The following ZNF385D variants were observed in gnomAD, a reference collection of about 807,000 sequenced individuals.
The protein encoded by ZNF385D is zinc finger protein 385D, also known as zinc finger protein 659.
ZNF385D carries 15 observed loss-of-function variants against 35.8 expected under a neutral mutation model. That is an observed-to-expected ratio of 0.42 (90% CI 0.28 to 0.64). The LOEUF is 0.64. Ranked by LOEUF, ZNF385D falls within the 30% of genes least tolerant of loss-of-function variation. ZNF385D has a pLI of 0.23. For missense variants in ZNF385D, 474 were observed against 494.6 expected, an observed-to-expected ratio of 0.96 and a Z score of 0.39; for synonymous variants, 212 against 186.8, an observed-to-expected ratio of 1.13 and a Z score of -1.10.
intron 3 of ZNF385D, among the ~76,000 whole-genome samples, chr3:21,756,623 G>C (rs1051651502): frequency 6.6e-6 from 1 of 152,046 alleles, no homozygotes; most frequent in African/African-American, 2.4e-5. Context: ...AAGGAGAAGA[G>C]GGTTAACACT....
At chr3:21,520,004 C>T (rs1299549721) in intron 3 of ZNF385D, among the ~76,000 whole-genome samples, 1 of 152,220 alleles carries the variant, frequency 6.6e-6, no homozygotes, top group African/African-American at 2.4e-5. Flanking sequence ...TAATTTCCTC[C>T]TCCAGCAAAT....
At position 22,302,409 on chromosome 3, in the gene ZNF385D, G is replaced by T. The variant is rs115521302; in HGVS notation, c.106+70041C>A. 8.9e-3 allele frequency among the ~76,000 whole-genome samples: 1,342 copies of T among 151,060 alleles called. 18 individuals are homozygous for T. The highest frequency in any genetic ancestry group is 0.051 in the South Asian group (242 of 4,790). On this transcript the variant is annotated intron_variant, in intron 2 of 5. Transcript: ENST00000494108. ...TATATATACATTATATAATTGTATTGGTATATGCAATTTATTTTCCTCTTC... is the reference window on the plus strand; with the variant it reads ...TATATATACATTATATAATTGTATTTGTATATGCAATTTATTTTCCTCTTC...
intron 1 of ZNF385D, among the ~76,000 whole-genome samples, chr3:21,744,202 T>C (rs2069654112): frequency 6.6e-6 from 1 of 152,188 alleles, no homozygotes; most frequent in African/African-American, 2.4e-5. Context: ...TTTTGTCTAC[T>C]TCCCACAATG....
At chr3:21,927,532 C>G (rs934062854) in intron 3 of ZNF385D, among the ~76,000 whole-genome samples, 1 of 152,014 alleles carries the variant, frequency 6.6e-6, no homozygotes, top group Non-Finnish European at 1.5e-5. Context: ...AGTATTAAAA[C>G]GAAACAAAAA....
intron 4 of ZNF385D, among the ~76,000 whole-genome samples, chr3:21,506,549 C>A (rs557365064): frequency 4.7e-4 from 71 of 152,226 alleles, no homozygotes; most frequent in African/African-American, 1.7e-3. Flanking sequence ...ACAAACAACA[C>A]AAGTTAGTTA....
chr3:22,158,697 C>T (rs1354241672), intron 3 of ZNF385D, among the ~76,000 whole-genome samples: 2 of 151,846 alleles, frequency 1.3e-5, no homozygotes, highest in African/African-American at 4.8e-5. Context: ...CACACACATT[C>T]ATGCCATTGC....
chr3:21,464,424 C>G (rs1703372755), intron 4 of ZNF385D, among the ~76,000 whole-genome samples: 1 of 152,098 alleles, frequency 6.6e-6, no homozygotes, highest in Non-Finnish European at 1.5e-5. Flanking sequence ...TCTCTGCTTT[C>G]TCAATCTTTT....
rs563013305 is a variant in ZNF385D at position 22,284,043 on chromosome 3, G to C, written c.106+88407C>G. On this transcript the variant is annotated intron_variant, in intron 2 of 5. Transcript: ENST00000494108. Reference sequence around the variant, plus strand: ...AGTGTGGATACTTGGACATAATTACGAGACAACAAGAAAATTAACATTGGA... The same window carrying C: ...AGTGTGGATACTTGGACATAATTACCAGACAACAAGAAAATTAACATTGGA... Among the ~76,000 whole-genome samples the C allele has an allele frequency of 2.6e-5, 4 of 151,996 alleles. No homozygotes were observed. In the South Asian group the frequency reaches 8.3e-4, roughly 32 times the overall value.
At chr3:22,319,960 TA>T (rs1694328892) in intron 2 of ZNF385D, among the ~76,000 whole-genome samples, 1 of 152,168 alleles carries the variant, frequency 6.6e-6, no homozygotes, top group East Asian at 1.9e-4. Flanking sequence ...TATTTTGAGA[TA>T]TTTTATCATC....
intron 2 of ZNF385D, among the ~76,000 whole-genome samples, chr3:22,223,362 T>G (rs1474933373): frequency 6.6e-6 from 1 of 152,178 alleles, no homozygotes; most frequent in Non-Finnish European, 1.5e-5. Context: ...CAAACTGACC[T>G]ACTATGTACA....
intron 3 of ZNF385D, among the ~76,000 whole-genome samples, chr3:21,971,691 A>C (rs765063729): frequency 6.6e-6 from 1 of 151,876 alleles, no homozygotes; most frequent in Non-Finnish European, 1.5e-5. Flanking sequence ...AAAAAAAAAA[A>C]GACCCAGTGA....
chr3:21,770,441 C>T (rs1385690419), intron 3 of ZNF385D, among the ~76,000 whole-genome samples: 1 of 152,156 alleles, frequency 6.6e-6, no homozygotes, highest in Admixed American at 6.5e-5. Flanking sequence ...TATGAACAGA[C>T]ACTTCTCAAA....
chr3:21,834,133 A>G (rs747722775), intron 3 of ZNF385D, among the ~76,000 whole-genome samples: 1 of 152,156 alleles, frequency 6.6e-6, no homozygotes, highest in Non-Finnish European at 1.5e-5. Flanking sequence ...TTTTCATTAT[A>G]TTTCACACAC....
At chr3:22,069,712 C>T (rs564397779) in intron 3 of ZNF385D, among the ~76,000 whole-genome samples, 2 of 152,194 alleles carry the variant, frequency 1.3e-5, no homozygotes, top group African/African-American at 4.8e-5. Context: ...GATTCTGGGC[C>T]CTTTTTTAGA....
chr3:21,863,860 T>C (rs73052622), intron 3 of ZNF385D, among the ~76,000 whole-genome samples: 1 of 152,068 alleles, frequency 6.6e-6, no homozygotes. Context: ...CAGGCCTCTA[T>C]AAAATATGAA....
At chr3:22,175,250 T>C (rs1464779661) in intron 2 of ZNF385D, among the ~76,000 whole-genome samples, 10 of 152,020 alleles carry the variant, frequency 6.6e-5, no homozygotes, top group Non-Finnish European at 1.2e-4. Context: ...TAATACGTCA[T>C]TTTGCAGAAA....
chr3:22,215,149 T>C (rs539749749), intron 2 of ZNF385D, among the ~76,000 whole-genome samples: 1 of 152,008 alleles, frequency 6.6e-6, no homozygotes, highest in Non-Finnish European at 1.5e-5. Context: ...CTAGCTGAAT[T>C]TTCCCCAATA....
Position 21,521,611 on chromosome 3 carries a change from A to C in ZNF385D, c.277-10588T>G, listed in dbSNP as rs114804299. On this transcript the variant is annotated intron_variant, in intron 3 of 7. Transcript: ENST00000281523. ...TCTGCTAAAAAATTTTTTTAAAGCC[A>C]GGTGTGGTGGCATGTGCCTGCAGTC... Among the ~76,000 whole-genome samples the C allele has an allele frequency of 9.6e-3, 1,468 of 152,186 alleles. 10 individuals carry two copies. The highest frequency in any genetic ancestry group is 0.014 in the Non-Finnish European group (939 of 67,990).
At chr3:21,582,768 T>TATTTATTC (rs1553617178) in intron 2 of ZNF385D, among the ~76,000 whole-genome samples, 52 of 152,014 alleles carry the variant, frequency 3.4e-4, no homozygotes, top group Non-Finnish European at 6.0e-4. Context: ...TTTATTTATT[T>TATTTATTC]ATTCATTCAT....
Sources: gnomAD v4.1 joint callset for allele counts (sites outside exome capture counted in the v4.1 genomes callset) on GRCh38, gnomAD v4.1.1 for gene constraint, MANE v1.5 for transcripts, NCBI Gene and HGNC (gene_info 2026-07-23, HGNC 2026-07-21) for gene names.